AWAT1: variants seen among roughly 807,000 people sequenced by gnomAD.
AWAT1 encodes acyl-CoA wax alcohol acyltransferase 1.
AWAT1 carries 26 observed loss-of-function variants against 21.6 expected under a neutral mutation model. The observed-to-expected ratio is 1.20, with a 90% CI of 0.88 to 1.67. The LOEUF (loss-of-function observed/expected upper bound fraction) is 1.67, where lower values mean the gene tolerates loss of function less well. Ranked by LOEUF, AWAT1 falls within the 40% of genes most tolerant of loss-of-function variation. The pLI is 0.00. For missense variants in AWAT1, 264 were observed against 249.4 expected (o/e 1.06, Z -0.39); for synonymous variants, 102 against 99.3 (o/e 1.03, Z -0.16).
At chrX:70,238,143 G>C in intron 4 of AWAT1, 69 bp from the exon 5 acceptor site, 1 of 1,043,874 alleles carries the variant, frequency 9.6e-7, no homozygotes. Flanking sequence ...CCAGTGAAGA[G>C]CAGAGAAGAG....
chrX:70,238,436 C>T (rs926053380), intron 5 of AWAT1, 53 bp downstream of exon 5: 2 of 1,085,532 alleles, frequency 1.8e-6, no homozygotes, highest in African/African-American at 3.7e-5. Flanking sequence ...GCAGCATGAC[C>T]CTGTCGGTGA....
chrX:70,235,548 G>T (rs1343149662), intron 1 of AWAT1, among the ~76,000 whole-genome samples, 168 bp from the exon 2 acceptor site: 2 of 110,842 alleles, frequency 1.8e-5, no homozygotes, highest in African/African-American at 6.6e-5. Flanking sequence ...TATGGTAAAT[G>T]ATAGAGGAAA....
rs758588341 is a variant in AWAT1, at chrX:70,236,010, C to T, written c.185-59C>T. ...AGCCATGCTAGGGAATCCCTGAGTC[C>T]GTGGAATGTATGGGATGGCACACAC... On this transcript the variant is annotated intron_variant, in intron 2 of 6. Coordinates refer to ENST00000374521, the MANE Select transcript of AWAT1 (RefSeq NM_001013579.3). The T allele has an allele frequency of 2.6e-5, 27 of 1,038,303 alleles. No individual in the cohort carries two copies. The South Asian group carries it at 3.2e-4, about 12-fold the overall frequency. 85.6% of individuals were successfully genotyped at this position (1,038,303 alleles called of 1,213,427 possible).
At chrX:70,236,198 C>A in intron 3 of AWAT1, 59 bp downstream of exon 3, 1 of 931,889 alleles carries the variant, frequency 1.1e-6, no homozygotes, top group Non-Finnish European at 1.6e-6. Context: ...GGCATTTATA[C>A]CACATGACTA....
At position 70,240,175 on chromosome X, in the gene AWAT1, G is replaced by T; in HGVS notation, c.872G>T (p.Ser291Ile). Reference protein sequence around the residue: ...PLPLPQIEKPSQEMVDKYHAL... With the variant: ...PLPLPQIEKPIQEMVDKYHAL... The stretch of plus-strand genomic sequence containing the variant: ...CCACTGCCCCAAATTGAAAAGCCAA[G>T]CCAGGAGATGGTGGACAAATACCAT... Residue 291 changes from serine to isoleucine, a missense_variant, in exon 7 of 7, where the codon AGC becomes ATC. Coordinates refer to ENST00000374521, the MANE Select transcript of AWAT1 (RefSeq NM_001013579.3). 1 of 1,211,615 alleles carries T rather than the reference G, an allele frequency of 8.3e-7. No individual in the cohort carries two copies. The highest frequency in any genetic ancestry group is 1.1e-6 in the Non-Finnish European group (1 of 895,319).
In AWAT1 at chrX:70,238,654, C is replaced by T. The variant is rs1427579354; in HGVS notation, c.632+271C>T. Among the ~76,000 whole-genome samples the T allele has an allele frequency of 1.1e-4, 12 of 112,473 alleles. No homozygotes were observed. In the Admixed American group the frequency reaches 1.1e-3, roughly 11 times the overall value. On this transcript the variant is annotated intron_variant, in intron 5 of 6. Coordinates refer to ENST00000374521, the MANE Select transcript of AWAT1 (RefSeq NM_001013579.3). Reference sequence around the variant, plus strand: ...TCTCTATCAATGCTGGTATCTACATCTGTCTGCTAATGGTAAGTGCATGGG... The same window carrying T: ...TCTCTATCAATGCTGGTATCTACATTTGTCTGCTAATGGTAAGTGCATGGG...
rs1355877129 is a variant in AWAT1, at chrX:70,240,266, G to A, written c.963G>A (p.Glu321=). 1 of 1,209,683 alleles carries A rather than the reference G, an allele frequency of 8.3e-7. No individual in the cohort carries two copies. The highest frequency in any genetic ancestry group is 3.0e-5 in the East Asian group (1 of 33,783). The change falls in exon 7 of 7, where the codon GAG becomes GAA. Residue 321 remains glutamate, a synonymous_variant. Coordinates refer to ENST00000374521, the MANE Select transcript of AWAT1 (RefSeq NM_001013579.3). ...DQHKTHYGCS[E]TQKLFFL ...ATAAGACCCACTATGGCTGCTCAGA[G>A]ACCCAAAAGCTGTTTTTCCTGTGAA...
chrX:70,240,612 C>A lies in AWAT1; in HGVS notation c.*322C>A. The A allele has an allele frequency of 4.1e-6, 1 of 241,253 alleles. No homozygotes were observed. The allele number at this position is 241,253 out of a possible 1,213,427, so 19.9% of individuals were successfully genotyped here. On this transcript the variant is annotated 3_prime_UTR_variant, in exon 7 of 7. Coordinates refer to ENST00000374521, the MANE Select transcript of AWAT1 (RefSeq NM_001013579.3). ...CTGGGCAACTATCTACTTTCTGTCT[C>A]TGTGGATTTGCCAATTCTGAACATT...
At chrX:70,237,831 C>CAAAAA (rs34212707) in intron 4 of AWAT1, among the ~76,000 whole-genome samples, 8 of 19,370 alleles carry the variant, frequency 4.1e-4, no homozygotes, top group East Asian at 2.4e-3. Context: ...AACTCTGTCT[C>CAAAAA]AAAAAAAAAA....
At chrX:70,237,355 G>A (rs2085518654) in intron 4 of AWAT1, 107 bp downstream of exon 4, 1 of 683,513 alleles carries the variant, frequency 1.5e-6, no homozygotes. Flanking sequence ...ATGTCATTAT[G>A]GCATAGTAGT....
At chrX:70,237,830 T>A (rs1602707375) in intron 4 of AWAT1, among the ~76,000 whole-genome samples, 1 of 23,293 alleles carries the variant, frequency 4.3e-5, no homozygotes, top group Non-Finnish European at 7.2e-5. Flanking sequence ...AAACTCTGTC[T>A]CAAAAAAAAA....
chrX:70,239,238 T>C (rs1152195), intron 5 of AWAT1, among the ~76,000 whole-genome samples: 11,429 of 112,076 alleles, frequency 0.1, 462 homozygotes, highest in African/African-American at 0.13. Context: ...GAGGAACCAG[T>C]AAGGTAACAT....
chrX:70,236,200 A>G, intron 3 of AWAT1, 61 bp downstream of exon 3: 74 of 921,643 alleles, frequency 8.0e-5, no homozygotes, highest in Non-Finnish European at 1.1e-4. Flanking sequence ...CATTTATACC[A>G]CATGACTAGA....
At position 70,236,214 on chromosome X, in the gene AWAT1, G is replaced by T. The variant is rs1030335688; in HGVS notation, c.255+75G>T. Reference sequence around the variant, plus strand: ...GCATTTATACCACATGACTAGAGTTGTCCATAAGGAAGATAAGTATCCCAG... The same window carrying T: ...GCATTTATACCACATGACTAGAGTTTTCCATAAGGAAGATAAGTATCCCAG... On this transcript the variant is annotated intron_variant, in intron 3 of 6. Coordinates refer to ENST00000374521, the MANE Select transcript of AWAT1 (RefSeq NM_001013579.3). The T allele has an allele frequency of 3.4e-5, 29 of 843,503 alleles. No homozygotes were observed. The African/African-American group carries it at 5.6e-4, about 16-fold the overall frequency. 69.5% of individuals were successfully genotyped at this position (843,503 alleles called of 1,213,427 possible). A position where few individuals can be genotyped will look rare whatever the true frequency, so the allele number is the denominator to read the frequency against.
At chrX:70,237,330 C>A in intron 4 of AWAT1, 82 bp downstream of exon 4, 1 of 819,750 alleles carries the variant, frequency 1.2e-6, no homozygotes, top group South Asian at 2.4e-5. Context: ...TCCCCTCCTC[C>A]CCCCACCCGC....
chrX:70,239,670 A>G, intron 5 of AWAT1, 65 bp from the exon 6 acceptor site: 1 of 1,007,584 alleles, frequency 9.9e-7, no homozygotes, highest in Non-Finnish European at 1.4e-6. Context: ...AAGCAAACAA[A>G]TGTTCTTCCA....
In AWAT1 at chrX:70,239,763, G is replaced by C; in HGVS notation, c.661G>C (p.Gly221Arg). Residue 221 changes from glycine (G) to arginine (R), a missense_variant, in exon 6 of 7, where the codon GGG (glycine) becomes CGG (arginine). Physicochemically the swap from Gly to Arg is moderately radical, Grantham distance 125. Coordinates refer to ENST00000374521, the MANE Select transcript of AWAT1 (RefSeq NM_001013579.3). ...GAHLVPTFTFGETEVYDQVLF... is the reference protein window; with the variant it reads ...GAHLVPTFTFRETEVYDQVLF... ...TCATCTGGTCCCCACCTTCACTTTT[G>C]GGGAAACTGAGGTGTATGATCAGGT... is the stretch of plus-strand genomic sequence containing the variant. 3 of 1,211,025 alleles carry C rather than the reference G, an allele frequency of 2.5e-6. No individual in the cohort carries two copies. Among genetic ancestry groups the C allele is most frequent in the East Asian group, 3.0e-5 (1 of 33,838 alleles).
At chrX:70,239,398 C>G (rs2085528494) in intron 5 of AWAT1, among the ~76,000 whole-genome samples, 1 of 112,287 alleles carries the variant, frequency 8.9e-6, no homozygotes, top group Non-Finnish European at 1.9e-5. Context: ...AGGGAAACAA[C>G]TTTTCTCTGC....
intron 5 of AWAT1, among the ~76,000 whole-genome samples, chrX:70,238,760 C>G (rs2085526030): frequency 1.8e-5 from 2 of 112,342 alleles, no homozygotes; most frequent in South Asian, 3.7e-4. Flanking sequence ...ACTGTGCACT[C>G]TGGGACAGGT....
Sources: allele counts gnomAD v4.1 joint callset (sites outside exome capture counted in the v4.1 genomes callset), GRCh38; gene constraint gnomAD v4.1.1; transcripts MANE v1.5; gene names NCBI Gene and HGNC (gene_info 2026-07-23, HGNC 2026-07-21).